GCSAM: variants seen among roughly 807,000 people sequenced by gnomAD.
GCSAM encodes the protein germinal center-associated signaling and motility protein.
GCSAM carries 8 observed loss-of-function variants against 17.6 expected under a neutral mutation model. The observed-to-expected ratio is 0.46, with a 90% CI of 0.27 to 0.82. GCSAM has a LOEUF of 0.82. Ranked by LOEUF, GCSAM falls within the 40% of genes least tolerant of loss-of-function variation. GCSAM has a pLI of 0.15. For missense variants in GCSAM, 192 were observed against 213.5 expected (o/e 0.90, Z 0.63); for synonymous variants, 68 against 69.0 (o/e 0.98, Z 0.07).
intron 3 of GCSAM, among the ~76,000 whole-genome samples, chr3:112,127,239 TCTC>T (rs1434740690): frequency 2.6e-5 from 4 of 152,216 alleles, no homozygotes; most frequent in Non-Finnish European, 4.4e-5. Context: ...TCTTTCTCTC[TCTC>T]CTCCTCTCTT....
Position 112,132,227 on chromosome 3 carries a change from C to G in GCSAM, c.29+865G>C, listed in dbSNP as rs907756163. Among the ~76,000 whole-genome samples the G allele has an allele frequency of 7.2e-5, 11 of 152,260 alleles. No individual in the cohort carries two copies. The East Asian group carries it at 1.9e-3, about 27-fold the overall frequency. On this transcript the variant is annotated intron_variant, in intron 1 of 5. Transcript: ENST00000308910. ...GAGATATTCCACAGGACCACCAATC[C>G]TCTTTTCGGCAAGTGGTCAAAAGTG...
chr3:112,126,867 G>T, intron 4 of GCSAM, 120 bp downstream of exon 4: 1 of 760,450 alleles, frequency 1.3e-6, no homozygotes, highest in Non-Finnish European at 2.3e-6. Context: ...ATACAGTAAA[G>T]CAAAATGTGT....
chr3:112,121,706 A>G lies in GCSAM; in HGVS notation c.*1749T>C, dbSNP rs1334441650. ...CTAAAAGTAGGAAGTTAGCAGAGGAAGAGATACCAAGATGCAGCTGGCTCT... is the reference window on the plus strand; with the variant it reads ...CTAAAAGTAGGAAGTTAGCAGAGGAGGAGATACCAAGATGCAGCTGGCTCT... On this transcript the variant is annotated 3_prime_UTR_variant, in exon 6 of 6. Transcript: ENST00000308910. 2 of 152,224 alleles carry G rather than the reference A, an allele frequency of 1.3e-5. No individual in the cohort carries two copies. Among genetic ancestry groups the G allele is most frequent in the Admixed American group, 1.3e-4 (2 of 15,276 alleles). The allele number at this position is 152,224 out of a possible 1,614,324, so 9.4% of individuals were successfully genotyped here. A position where few individuals can be genotyped will look rare whatever the true frequency, so the allele number is the denominator to read the frequency against.
At chr3:112,133,038 G>C in intron 1 of GCSAM, 54 bp downstream of exon 1, 1 of 1,556,166 alleles carries the variant, frequency 6.4e-7, no homozygotes, top group Admixed American at 1.7e-5. Context: ...TCTCTTCCTT[G>C]CTGTATTGTC....
chr3:112,130,780 A>T (rs1370991844), intron 1 of GCSAM: 9 of 480,618 alleles, frequency 1.9e-5, no homozygotes, highest in Non-Finnish European at 2.7e-5. Flanking sequence ...GATCCCAAAT[A>T]TCCAGGGATC....
intron 4 of GCSAM, among the ~76,000 whole-genome samples, chr3:112,126,249 G>A (rs1348014853): frequency 6.6e-6 from 1 of 152,136 alleles, no homozygotes; most frequent in Admixed American, 6.5e-5. Context: ...ATCTTGCAGG[G>A]CTAGATTTTA....
chr3:112,127,979 C>T (rs1270381956), intron 3 of GCSAM, 38 bp downstream of exon 3: 8 of 1,587,630 alleles, frequency 5.0e-6, no homozygotes, highest in Non-Finnish European at 6.9e-6. Context: ...TGAAACCACA[C>T]TTAGGGAAAT....
Position 112,123,499 on chromosome 3 carries a change from G to T in GCSAM, c.493C>A (p.Arg165Ser). Reference sequence around the variant, plus strand: ...GTCTCAGAAGGGGCCATAAGTGGACGTGGCTGTTGCAGAAAGTGAGAGGAG... The same window carrying T: ...GTCTCAGAAGGGGCCATAAGTGGACTTGGCTGTTGCAGAAAGTGAGAGGAG... Reference protein sequence around the residue: ...RISSHFLQQPRPLMAPSETQF... With the variant: ...RISSHFLQQPSPLMAPSETQF... The change falls in exon 6 of 6, where the codon CGT becomes AGT. Residue 165 changes from arginine (R) to serine (S), a missense_variant. Arg to Ser is a moderately radical substitution (Grantham distance 110). Coordinates refer to ENST00000308910, the MANE Select transcript of GCSAM (RefSeq NM_152785.5). 2 of 1,614,170 alleles carry T rather than the reference G, an allele frequency of 1.2e-6. No homozygotes were observed. The highest frequency in any genetic ancestry group is 8.5e-7 in the Non-Finnish European group (1 of 1,180,010).
intron 4 of GCSAM, among the ~76,000 whole-genome samples, chr3:112,126,591 T>C (rs2074325740): frequency 6.6e-6 from 1 of 152,198 alleles, no homozygotes; most frequent in Admixed American, 6.5e-5. Flanking sequence ...GCCTCCCCAC[T>C]GTGTAAAGCC....
intron 1 of GCSAM, 50 bp downstream of exon 1, chr3:112,133,042 T>G (rs2074495989): frequency 6.3e-7 from 1 of 1,575,408 alleles, no homozygotes; most frequent in African/African-American, 1.4e-5. Context: ...TTCCTTGCTG[T>G]ATTGTCCTGT....
chr3:112,125,351 A>T (rs1240286586), intron 4 of GCSAM, 97 bp from the exon 5 acceptor site: 1 of 836,820 alleles, frequency 1.2e-6, no homozygotes, highest in Non-Finnish European at 2.0e-6. Context: ...AAAAGCCAAG[A>T]AACAGCTGGG....
Position 112,123,505 on chromosome 3 carries a change from G to T in GCSAM, c.487C>A (p.Gln163Lys). Reference sequence around the variant, plus strand: ...GAAGGGGCCATAAGTGGACGTGGCTGTTGCAGAAAGTGAGAGGAGATTCTG... The same window carrying T: ...GAAGGGGCCATAAGTGGACGTGGCTTTTGCAGAAAGTGAGAGGAGATTCTG... ...PHRISSHFLQ[Q>K]PRPLMAPSET... The change falls in exon 6 of 6, where the codon CAG (glutamine) becomes AAG (lysine). Residue 163 changes from glutamine to lysine, a missense_variant. Gln to Lys is a moderately conservative substitution (Grantham distance 53). Transcript: ENST00000308910. 6.2e-7 allele frequency: 1 copy of T among 1,614,206 alleles called. No homozygotes were observed.
chr3:112,132,938 C>A (rs1213343677), intron 1 of GCSAM, 154 bp downstream of exon 1: 3 of 711,076 alleles, frequency 4.2e-6, no homozygotes, highest in Non-Finnish European at 7.0e-6. Flanking sequence ...TGGTATCTGG[C>A]ACAGAGTAGG....
At position 112,122,439 on chromosome 3, in the gene GCSAM, A is replaced by G. The variant is rs905238731; in HGVS notation, c.*1016T>C. 6.6e-5 allele frequency: 10 copies of G among 152,308 alleles called. No individual in the cohort carries two copies. The highest frequency in any genetic ancestry group is 2.2e-4 in the African/African-American group (9 of 41,560). 9.4% of individuals were successfully genotyped at this position (152,308 alleles called of 1,614,324 possible). On this transcript the variant is annotated 3_prime_UTR_variant, in exon 6 of 6. Transcript: ENST00000308910. ...AGTTTGCTGATCCCTGGTTTAGAGG[A>G]TAGATATAATTTGAGGAACACTAAG...
At chr3:112,131,437 A>T (rs1295469940) in intron 1 of GCSAM, among the ~76,000 whole-genome samples, 2 of 152,176 alleles carry the variant, frequency 1.3e-5, no homozygotes, top group South Asian at 2.1e-4. Flanking sequence ...TGAAAATTAG[A>T]TACCAATATA....
At chr3:112,124,909 A>T (rs186584815) in intron 5 of GCSAM, among the ~76,000 whole-genome samples, 77 of 152,244 alleles carry the variant, frequency 5.1e-4, no homozygotes, top group African/African-American at 1.7e-3. Flanking sequence ...GGGGGATGGG[A>T]TGGATTATAG....
intron 1 of GCSAM, chr3:112,130,756 A>G: frequency 1.9e-6 from 1 of 528,724 alleles, no homozygotes; most frequent in Non-Finnish European, 3.4e-6. Context: ...TGAACAAGTG[A>G]TCCTAAATCA....
intron 1 of GCSAM, 95 bp from the exon 2 acceptor site, chr3:112,130,608 TTGTG>T: frequency 1.8e-6 from 2 of 1,096,606 alleles, no homozygotes; most frequent in South Asian, 1.2e-5. Context: ...TTTCTGCTAT[TTGTG>T]TGTAACTCAG....
chr3:112,127,138 C>A (rs891887615), intron 3 of GCSAM, 105 bp from the exon 4 acceptor site: 2 of 681,966 alleles, frequency 2.9e-6, no homozygotes, highest in South Asian at 1.9e-5. Context: ...AAGTTATATA[C>A]CTTTTATAAT....
Sources: allele counts gnomAD v4.1 joint callset (sites outside exome capture counted in the v4.1 genomes callset), GRCh38; gene constraint gnomAD v4.1.1; transcripts MANE v1.5; gene names NCBI Gene and HGNC (gene_info 2026-07-23, HGNC 2026-07-21).